Variants in FAM107B observed in about 807,000 individuals in gnomAD.
FAM107B encodes the protein family with sequence similarity 107 member B, also known as protein FAM107B.
A neutral mutation model predicts 31.5 loss-of-function variants in FAM107B; 21 were observed. The ratio of observed to expected loss-of-function variants is 0.67; its 90% CI spans 0.47 to 0.96. FAM107B has a LOEUF of 0.96. FAM107B is among the 40% of genes least tolerant of loss of function. FAM107B has a pLI of 0.00. For synonymous variants in FAM107B, 157 were observed against 141.5 expected, an observed-to-expected ratio of 1.11 and a Z score of -0.78; for missense variants, 452 against 377.1, an observed-to-expected ratio of 1.20 and a Z score of -1.64.
intron 1 of FAM107B, among the ~76,000 whole-genome samples, chr10:14,718,545 GAGGAAGGA>G (rs1004687973): frequency 2.7e-5 from 4 of 150,132 alleles, no homozygotes; most frequent in Non-Finnish European, 4.5e-5. Flanking sequence ...GAGAGAGAGA[GAGGAAGGA>G]AGGAAGGAAG....
intron 1 of FAM107B, among the ~76,000 whole-genome samples, chr10:14,683,675 A>G (rs932542660): frequency 6.6e-6 from 1 of 152,254 alleles, no homozygotes; most frequent in African/African-American, 2.4e-5. Context: ...AGGGTTACAG[A>G]TCATGAGTGA....
At chr10:14,767,053 TATAGAGAGAG>T (rs1273414995) in intron 1 of FAM107B, among the ~76,000 whole-genome samples, 20 of 26,406 alleles carry the variant, frequency 7.6e-4, no homozygotes, top group African/African-American at 2.4e-3. Flanking sequence ...TATATATATA[TATAGAGAGAG>T]AGAGAGAGAG....
intron 1 of FAM107B, among the ~76,000 whole-genome samples, chr10:14,764,273 T>G (rs909290399): frequency 6.6e-6 from 1 of 152,244 alleles, no homozygotes; most frequent in South Asian, 2.1e-4. Context: ...TACCCTTTTT[T>G]GTTGAGATTT....
intron 2 of FAM107B, among the ~76,000 whole-genome samples, chr10:14,638,117 A>G (rs1853548022): frequency 6.6e-6 from 1 of 152,202 alleles, no homozygotes; most frequent in African/African-American, 2.4e-5. Context: ...CCCAAGGCCA[A>G]AGATTTCTAA....
At chr10:14,736,863 G>A (rs1588743087) in intron 1 of FAM107B, among the ~76,000 whole-genome samples, 1 of 152,208 alleles carries the variant, frequency 6.6e-6, no homozygotes, top group South Asian at 2.1e-4. Context: ...AACAGCAGTT[G>A]AATGTTGTGG....
At chr10:14,589,192 G>C (rs1004889966) in intron 2 of FAM107B, among the ~76,000 whole-genome samples, 1 of 141,586 alleles carries the variant, frequency 7.1e-6, no homozygotes, top group African/African-American at 2.6e-5. Flanking sequence ...AAAAAGAAAA[G>C]AAAAAAAAGA....
intron 1 of FAM107B, among the ~76,000 whole-genome samples, chr10:14,685,136 CCTTTT>C (rs1430978307): frequency 5.4e-5 from 7 of 129,496 alleles, no homozygotes; most frequent in Non-Finnish European, 1.1e-4. Flanking sequence ...CCAATAACAT[CCTTTT>C]ATTTTTTTTT....
intron 2 of FAM107B, chr10:14,556,541 T>C (rs1340552494): frequency 8.9e-6 from 3 of 338,960 alleles, no homozygotes; most frequent in South Asian, 2.4e-4. Context: ...CGTTTAGACT[T>C]GACTGACACC....
intron 1 of FAM107B, among the ~76,000 whole-genome samples, chr10:14,771,109 C>T (rs1833292604): frequency 6.6e-6 from 1 of 150,934 alleles, no homozygotes. Flanking sequence ...GCATCTCATT[C>T]ATCATCTGCT....
At chr10:14,703,615 G>T (rs972170976) in intron 1 of FAM107B, among the ~76,000 whole-genome samples, 4 of 152,126 alleles carry the variant, frequency 2.6e-5, no homozygotes, top group African/African-American at 9.7e-5. Flanking sequence ...GATTACAGGC[G>T]TGAGCCACTG....
At position 14,714,225 on chromosome 10, in the gene FAM107B, T is replaced by C. The variant is rs191508015; in HGVS notation, c.412-46534A>G. 3.9e-5 allele frequency among the ~76,000 whole-genome samples: 6 copies of C among 152,292 alleles called. No individual in the cohort carries two copies. In the East Asian group the frequency reaches 9.6e-4, roughly 24 times the overall value. Reference sequence around the variant, plus strand: ...ACAACAAAATCTAGGAGAAGGTTCTTATACAGCCTCATCCAACCTAGGGTT... The same window carrying C: ...ACAACAAAATCTAGGAGAAGGTTCTCATACAGCCTCATCCAACCTAGGGTT... On this transcript the variant is annotated intron_variant, in intron 1 of 4. Coordinates refer to ENST00000181796, the MANE Select transcript of FAM107B (RefSeq NM_031453.4).
In FAM107B at chr10:14,629,476, A is replaced by G. The variant is rs1365460647; in HGVS notation, c.469+38158T>C. ...TATATATTATATATATATTTAATAT[A>G]TATATAACATATATAATATATATAT... is the stretch of plus-strand genomic sequence containing the variant. On this transcript the variant is annotated intron_variant, in intron 2 of 4. Coordinates refer to ENST00000181796, the MANE Select transcript of FAM107B (RefSeq NM_031453.4). Among the ~76,000 whole-genome samples the G allele has an allele frequency of 2.7e-5, 3 of 111,534 alleles. 1 individual carries two copies. The highest frequency in any genetic ancestry group is 3.8e-5 in the African/African-American group (1 of 26,362). 73.2% of individuals were successfully genotyped at this position (111,534 alleles called of 152,430 possible). A position where few individuals can be genotyped will look rare whatever the true frequency, so the allele number is the denominator to read the frequency against.
intron 2 of FAM107B, among the ~76,000 whole-genome samples, chr10:14,574,618 C>G (rs1851407287): frequency 6.6e-6 from 1 of 152,172 alleles, no homozygotes; most frequent in Middle Eastern, 3.2e-3. Flanking sequence ...AGAGACGAGA[C>G]TGAGAAAAGG....
chr10:14,544,403 T>C (rs1848515934), intron 2 of FAM107B, among the ~76,000 whole-genome samples: 1 of 152,190 alleles, frequency 6.6e-6, no homozygotes, highest in African/African-American at 2.4e-5. Flanking sequence ...TTCTTCCTAG[T>C]TTTTCCTGAC....
chr10:14,701,714 G>GT (rs111354098), intron 1 of FAM107B, among the ~76,000 whole-genome samples: 15,786 of 146,096 alleles, frequency 0.11, 957 homozygotes, highest in East Asian at 0.19. Flanking sequence ...GCAAAGAGTT[G>GT]TTTTTTTTTT....
intron 1 of FAM107B, among the ~76,000 whole-genome samples, chr10:14,704,130 G>A (rs1209725134): frequency 6.6e-6 from 1 of 152,148 alleles, no homozygotes; most frequent in African/African-American, 2.4e-5. Context: ...AGTACATCCA[G>A]GTGGTCTACC....
chr10:14,518,927 C>T lies in FAM107B; in HGVS notation c.*2263G>A, dbSNP rs1369146124. On this transcript the variant is annotated 3_prime_UTR_variant, in exon 5 of 5. Coordinates refer to ENST00000181796, the MANE Select transcript of FAM107B (RefSeq NM_031453.4). The stretch of plus-strand genomic sequence containing the variant: ...TGTTCAAGAGTCCTAGGAGTTTGGG[C>T]TGCACAGTATTAAGGGGTGAGAGGA... The T allele has an allele frequency of 6.6e-6, 1 of 152,596 alleles. No individual in the cohort carries two copies. The highest frequency in any genetic ancestry group is 2.4e-5 in the African/African-American group (1 of 41,440). 9.5% of individuals were successfully genotyped at this position (152,596 alleles called of 1,614,324 possible). A position where few individuals can be genotyped will look rare whatever the true frequency, so the allele number is the denominator to read the frequency against.
At chr10:14,629,521 A>ATTTTT (rs1554842126) in intron 2 of FAM107B, among the ~76,000 whole-genome samples, 1 of 97,818 alleles carries the variant, frequency 1.0e-5, no homozygotes, top group Non-Finnish European at 1.9e-5. Flanking sequence ...ATATATATAT[A>ATTTTT]TTTTTTTTTG....
chr10:14,580,821 T>C (rs1414689042), intron 2 of FAM107B, among the ~76,000 whole-genome samples: 1 of 152,208 alleles, frequency 6.6e-6, no homozygotes, highest in Admixed American at 6.5e-5. Flanking sequence ...CCTCCCAGGA[T>C]CCTAACTTCA....
Sources: gnomAD v4.1 joint callset for allele counts (sites outside exome capture counted in the v4.1 genomes callset) on GRCh38, gnomAD v4.1.1 for gene constraint, MANE v1.5 for transcripts, NCBI Gene and HGNC (gene_info 2026-07-23, HGNC 2026-07-21) for gene names.